The following ABCB11 variants were observed in gnomAD, a reference collection of about 807,000 sequenced individuals.
The protein encoded by ABCB11 is ATP binding cassette subfamily B member 11.
ABCB11 carries 95 observed loss-of-function variants against 148.0 expected under a neutral mutation model. That is an observed-to-expected ratio of 0.64 (90% confidence interval 0.54 to 0.76). The LOEUF is 0.76. Among genes scored for constraint, ABCB11 ranks in the 30% least tolerant of loss-of-function variants. The probability of loss-of-function intolerance (pLI) is 0.00; values close to 1 mark genes in which losing one functional copy is unlikely to be tolerated. For synonymous variants in ABCB11, 591 were observed against 555.4 expected, an observed-to-expected ratio of 1.06 and a Z score of -0.90; for missense variants, 1,523 against 1,617.8, an observed-to-expected ratio of 0.94 and a Z score of 1.01.
At chr2:168,944,794 G>T (rs934431901) in intron 20 of ABCB11, 28 bp from the exon 21 acceptor site, 26 of 1,610,134 alleles carry the variant, frequency 1.6e-5, no homozygotes, top group Non-Finnish European at 2.0e-5. Context: ...AGATGTTAGA[G>T]AAATTTTAAT....
intron 13 of ABCB11, 93 bp downstream of exon 13, chr2:168,973,622 C>A: frequency 1.4e-6 from 2 of 1,465,986 alleles, no homozygotes; most frequent in Non-Finnish European, 1.9e-6. Flanking sequence ...CCAGGACAGT[C>A]TCAATGTATG....
intron 24 of ABCB11, among the ~76,000 whole-genome samples, 191 bp from the exon 25 acceptor site, chr2:168,931,053 A>G (rs375443364): frequency 1.3e-5 from 2 of 152,216 alleles, no homozygotes; most frequent in African/African-American, 4.8e-5. Context: ...AGTATAAAGG[A>G]AGGCTTGGGC....
At chr2:169,018,782 T>G (rs1220580127) in intron 1 of ABCB11, among the ~76,000 whole-genome samples, 1 of 152,180 alleles carries the variant, frequency 6.6e-6, no homozygotes, top group Non-Finnish European at 1.5e-5. Context: ...CAGCATGAAG[T>G]TTATGCTTCA....
chr2:168,969,227 T>C (rs2105957325), intron 16 of ABCB11, 123 bp downstream of exon 16: 1 of 860,160 alleles, frequency 1.2e-6, no homozygotes, highest in African/African-American at 1.7e-5. Context: ...TCCTTTACCA[T>C]CTATATAACG....
downstream of ABCB11, among the ~76,000 whole-genome samples, chr2:168,917,661 C>T (rs1690965455): frequency 6.6e-6 from 1 of 152,190 alleles, no homozygotes; most frequent in African/African-American, 2.4e-5. Flanking sequence ...TCCAAACTGA[C>T]ATCCTGCAAA....
chr2:168,994,077 A>G (rs1694635133), intron 7 of ABCB11, among the ~76,000 whole-genome samples, 195 bp from the exon 8 acceptor site: 1 of 152,030 alleles, frequency 6.6e-6, no homozygotes, highest in Non-Finnish European at 1.5e-5. Flanking sequence ...CTGATAGCCA[A>G]TCAATTTTGT....
At position 168,996,740 on chromosome 2, in the gene ABCB11, G is replaced by T; in HGVS notation, c.390-18C>A. The T allele has an allele frequency of 2.6e-6, 4 of 1,511,428 alleles. No individual in the cohort carries two copies. The highest frequency in any genetic ancestry group is 3.6e-6 in the Non-Finnish European group (4 of 1,120,354). 93.6% of individuals were successfully genotyped at this position (1,511,428 alleles called of 1,614,324 possible). A position where few individuals can be genotyped will look rare whatever the true frequency, so the allele number is the denominator to read the frequency against. On this transcript the variant is annotated intron_variant, in intron 5 of 27. Coordinates refer to ENST00000650372, the MANE Select transcript of ABCB11 (RefSeq NM_003742.4). ...TCAGCAACCTTCAAAAGAGGGAAAAGAATGTTCAGACTTGCAAGTAGGATC... is the reference window on the plus strand; with the variant it reads ...TCAGCAACCTTCAAAAGAGGGAAAATAATGTTCAGACTTGCAAGTAGGATC...
intron 5 of ABCB11, among the ~76,000 whole-genome samples, chr2:169,003,633 C>T (rs1006761624): frequency 1.3e-5 from 2 of 151,910 alleles, no homozygotes; most frequent in Admixed American, 6.6e-5. Flanking sequence ...CTGGATCAAA[C>T]GGTAGATCTA....
Position 168,923,688 on chromosome 2 carries a change from A to T in ABCB11, c.3900T>A (p.His1300Gln). The change falls in exon 28 of 28, where the codon CAT (histidine) becomes CAA (glutamine). Residue 1300 changes from histidine (H) to glutamine (Q), a missense_variant. By Grantham distance (24) the His-to-Gln change is conservative. Coordinates refer to ENST00000650372, the MANE Select transcript of ABCB11 (RefSeq NM_003742.4). ...CTCCTTTTTGGGCCATCAGTTCTTC[A>T]TGGGTCCCCTTTTCAATCACCACCC... Reference protein sequence around the residue: ...AQGVVIEKGTHEELMAQKGAY... With the variant: ...AQGVVIEKGTQEELMAQKGAY... The T allele has an allele frequency of 2.5e-6, 4 of 1,613,710 alleles. No individual in the cohort carries two copies. The highest frequency in any genetic ancestry group is 3.4e-6 in the Non-Finnish European group (4 of 1,179,828).
At chr2:168,997,122 G>A (rs1261272797) in intron 5 of ABCB11, among the ~76,000 whole-genome samples, 1 of 151,930 alleles carries the variant, frequency 6.6e-6, no homozygotes, top group African/African-American at 2.4e-5. Context: ...GCAATCACAG[G>A]CAAGAAAGAT....
intron 5 of ABCB11, among the ~76,000 whole-genome samples, chr2:169,008,814 A>C (rs1695094516): frequency 6.6e-6 from 1 of 152,222 alleles, no homozygotes; most frequent in Non-Finnish European, 1.5e-5. Context: ...AGAAATGAAG[A>C]CATGTCCACA....
intron 19 of ABCB11, among the ~76,000 whole-genome samples, chr2:168,953,909 G>C (rs1003124101): frequency 2.0e-5 from 3 of 151,514 alleles, no homozygotes; most frequent in African/African-American, 7.3e-5. Flanking sequence ...ACCCCTCTCT[G>C]CTTTGGCTTG....
chr2:168,967,575 A>C (rs755390707), intron 17 of ABCB11, among the ~76,000 whole-genome samples: 7 of 151,938 alleles, frequency 4.6e-5, no homozygotes, highest in Non-Finnish European at 8.8e-5. Context: ...ATCTTGAATG[A>C]GCAAGTCTTA....
Position 168,969,561 on chromosome 2 carries a change from T to G in ABCB11, c.1810-10A>C. On this transcript the variant is annotated splice_polypyrimidine_tract_variant and intron_variant, in intron 15 of 27. Transcript: ENST00000650372. Reference sequence around the variant, plus strand: ...TGTGCCCATGCTGAATCTGTAAGAATGTACAGTGCACCATTAAACAAAACT... The same window carrying G: ...TGTGCCCATGCTGAATCTGTAAGAAGGTACAGTGCACCATTAAACAAAACT... 2 of 1,610,078 alleles carry G rather than the reference T, an allele frequency of 1.2e-6. No individual in the cohort carries two copies. Among genetic ancestry groups the G allele is most frequent in the Non-Finnish European group, 1.7e-6 (2 of 1,177,364 alleles).
In ABCB11 at chr2:168,986,277, T is replaced by C. The variant is rs747776920; in HGVS notation, c.916A>G (p.Lys306Glu). The change falls in exon 10 of 28, where the codon AAA becomes GAA. Residue 306 changes from lysine to glutamate, a missense_variant. Physicochemically the swap from Lys to Glu is moderately conservative, Grantham distance 56 (BLOSUM62 1). Transcript: ENST00000650372. The stretch of plus-strand genomic sequence containing the variant: ...CAACGCTGGGCGAACACAAGATTTT[T>C]CTCATACCTGTGAAGACAAAATGCT... ...GEKREVERYE[K>E]NLVFAQRWGI... 2.5e-6 allele frequency: 4 copies of C among 1,612,244 alleles called. No individual in the cohort carries two copies. In the East Asian group the frequency reaches 8.9e-5, roughly 36 times the overall value.
chr2:168,967,720 A>C (rs76768049), intron 17 of ABCB11, among the ~76,000 whole-genome samples: 1,974 of 152,014 alleles, frequency 0.013, 37 homozygotes, highest in African/African-American at 0.045. Context: ...AACAGTTATA[A>C]ATATAGACAA....
At chr2:169,025,740 A>T (rs560656573) in intron 1 of ABCB11, among the ~76,000 whole-genome samples, 43 of 152,336 alleles carry the variant, frequency 2.8e-4, no homozygotes, top group African/African-American at 9.4e-4. Flanking sequence ...AAATCCATTA[A>T]ATCATGCGTC....
intron 5 of ABCB11, among the ~76,000 whole-genome samples, chr2:169,000,432 T>C (rs556693775): frequency 6.6e-6 from 1 of 152,298 alleles, no homozygotes; most frequent in South Asian, 2.1e-4. Context: ...TTTTATTTGT[T>C]ACATATAAGT....
chr2:168,984,378 G>C (rs967903010), intron 10 of ABCB11, among the ~76,000 whole-genome samples: 2 of 152,122 alleles, frequency 1.3e-5, no homozygotes, highest in Admixed American at 1.3e-4. Flanking sequence ...GCTCACTGTT[G>C]AATCCCCTGC....
Sources: allele counts gnomAD v4.1 joint callset (sites outside exome capture counted in the v4.1 genomes callset), GRCh38; gene constraint gnomAD v4.1.1; transcripts MANE v1.5; gene names NCBI Gene and HGNC (gene_info 2026-07-23, HGNC 2026-07-21).